The following ZNF251 variants were observed in gnomAD, a reference collection of about 807,000 sequenced individuals.
ZNF251 encodes zinc finger protein 251.
Under a neutral mutation model 13.5 loss-of-function variants are expected in ZNF251, and 14 were observed. The ratio of observed to expected loss-of-function variants is 1.04; its 90% confidence interval spans 0.69 to 1.63. The LOEUF (loss-of-function observed/expected upper bound fraction) is 1.63. Among genes scored for constraint, ZNF251 ranks in the 40% most tolerant of loss-of-function variants. ZNF251 has a pLI of 0.00. For missense variants in ZNF251, 764 were observed against 834.9 expected (o/e 0.92, Z 1.05); for synonymous variants, 287 against 295.2 (o/e 0.97, Z 0.28).
Position 144,754,273 on chromosome 8 carries a change from C to G in ZNF251, c.82G>C (p.Glu28Gln), listed in dbSNP as rs766342168. ...QDVAVYFSQA[E>Q]GRQLGPQQRA... ...TGCTGGGGGCCCAGCTGCCGCCCCT[C>G]CGCCTGAGAGAAGTACACGGCCACA... is the stretch of plus-strand genomic sequence containing the variant. Residue 28 changes from glutamate to glutamine, a missense_variant, in exon 3 of 5, where the codon GAG becomes CAG. Coordinates refer to ENST00000292562, the MANE Select transcript of ZNF251 (RefSeq NM_138367.2). The G allele has an allele frequency of 6.2e-7, 1 of 1,613,576 alleles. No individual in the cohort carries two copies. The highest frequency in any genetic ancestry group is 1.1e-5 in the South Asian group (1 of 91,020).
intron 4 of ZNF251, among the ~76,000 whole-genome samples, chr8:144,736,877 A>G (rs976277056): frequency 2.0e-5 from 3 of 151,628 alleles, no homozygotes; most frequent in Non-Finnish European, 4.4e-5. Context: ...GTCTCGGCTC[A>G]CTGCAACCTC....
Position 144,722,624 on chromosome 8 carries a change from C to T in ZNF251, c.1036G>A (p.Glu346Lys). The T allele has an allele frequency of 6.2e-7, 1 of 1,614,212 alleles. No individual in the cohort carries two copies. The highest frequency in any genetic ancestry group is 8.5e-7 in the Non-Finnish European group (1 of 1,180,038). Residue 346 changes from glutamate to lysine, a missense_variant, in exon 5 of 5, where the codon GAG (glutamate) becomes AAG (lysine). By Grantham distance (56) the Glu-to-Lys change is moderately conservative. Coordinates refer to ENST00000292562, the MANE Select transcript of ZNF251 (RefSeq NM_138367.2). This position sits in a 1 kb window ranked among gnomAD's most constrained non-coding sequence, Gnocchi z 4.8. ...LTQHQRIHTG[E>K]KPHECSHCGK... ...CAGTGACTGCATTCATGCGGCTTCT[C>T]TCCAGTGTGAATTCTCTGATGCTGA...
chr8:144,729,006 A>C (rs1241353360), intron 4 of ZNF251, among the ~76,000 whole-genome samples: 1 of 146,770 alleles, frequency 6.8e-6, no homozygotes, highest in Non-Finnish European at 1.5e-5. Flanking sequence ...GAGAATCACT[A>C]GAACCTGGGA....
intron 4 of ZNF251, among the ~76,000 whole-genome samples, chr8:144,749,234 C>T (rs1211818604): frequency 2.0e-5 from 3 of 152,136 alleles, no homozygotes; most frequent in Non-Finnish European, 4.4e-5. Flanking sequence ...TTCCTGTAAT[C>T]CCAGCACTTT....
intron 4 of ZNF251, among the ~76,000 whole-genome samples, chr8:144,725,949 C>T (rs1823504356): frequency 6.6e-6 from 1 of 152,134 alleles, no homozygotes; most frequent in Admixed American, 6.5e-5. Context: ...ATAATCCCAG[C>T]ACTTTGGGAG....
intron 4 of ZNF251, among the ~76,000 whole-genome samples, chr8:144,724,969 C>G (rs1243220289): frequency 6.6e-6 from 1 of 152,058 alleles, no homozygotes; most frequent in Non-Finnish European, 1.5e-5. Context: ...ATTTATTTAG[C>G]ACTCAAACAA....
In ZNF251 at chr8:144,723,163, G is replaced by A; in HGVS notation, c.497C>T (p.Thr166Ile). ...TCTTTCCCTGCCCACGGTAGCTTCT[G>A]TTAAAACTCTCTTGTGAATATTGGG... ...NKPNIHKRVL[T>I]EATVGRERSL... Residue 166 changes from threonine to isoleucine, a missense_variant, in exon 5 of 5, where the codon ACA (threonine) becomes ATA (isoleucine). Physicochemically the swap from Thr to Ile is moderately conservative, Grantham distance 89. Transcript: ENST00000292562. The A allele has an allele frequency of 6.2e-7, 1 of 1,612,624 alleles. No homozygotes were observed.
At chr8:144,749,659 T>C (rs1346642328) in intron 4 of ZNF251, among the ~76,000 whole-genome samples, 1 of 152,196 alleles carries the variant, frequency 6.6e-6, no homozygotes, top group African/African-American at 2.4e-5. Context: ...AATTCCATTT[T>C]GTATCCTTTT....
At chr8:144,737,825 G>A (rs189342999) in intron 4 of ZNF251, among the ~76,000 whole-genome samples, 11 of 121,632 alleles carry the variant, frequency 9.0e-5, no homozygotes, top group African/African-American at 2.9e-4. Flanking sequence ...GCAACAGAGC[G>A]AGACTCTGTC....
chr8:144,749,061 A>T (rs999037648), intron 4 of ZNF251, among the ~76,000 whole-genome samples: 6 of 152,110 alleles, frequency 3.9e-5, no homozygotes, highest in African/African-American at 9.7e-5. Flanking sequence ...GCTGCCCGGG[A>T]TGCTGATGTG....
At chr8:144,731,045 C>T (rs1455304983) in intron 4 of ZNF251, among the ~76,000 whole-genome samples, 1 of 152,170 alleles carries the variant, frequency 6.6e-6, no homozygotes, top group Non-Finnish European at 1.5e-5. Flanking sequence ...CCCAACAGGA[C>T]TTAAATGCTT....
chr8:144,750,720 C>T (rs1454907539), intron 4 of ZNF251, among the ~76,000 whole-genome samples: 1 of 152,166 alleles, frequency 6.6e-6, no homozygotes, highest in Non-Finnish European at 1.5e-5. Context: ...GAGTTGTCCA[C>T]ACTGAGCCTC....
chr8:144,732,960 A>G (rs563266989), intron 4 of ZNF251, among the ~76,000 whole-genome samples: 8 of 151,358 alleles, frequency 5.3e-5, no homozygotes, highest in Non-Finnish European at 1.0e-4. Context: ...GGTGGCTCAC[A>G]CCTGTAATCC....
chr8:144,753,547 G>A (rs929672561), intron 4 of ZNF251, 136 bp downstream of exon 4: 1 of 623,606 alleles, frequency 1.6e-6, no homozygotes, highest in Non-Finnish European at 2.8e-6. Flanking sequence ...CACATTTGTA[G>A]AGGGGCTGTA....
At chr8:144,752,478 A>G (rs1176514776) in intron 4 of ZNF251, among the ~76,000 whole-genome samples, 1 of 152,232 alleles carries the variant, frequency 6.6e-6, no homozygotes, top group Non-Finnish European at 1.5e-5. Flanking sequence ...ACTAGATAAC[A>G]TTTTGAACTA....
chr8:144,754,084 G>C lies in ZNF251; in HGVS notation c.163+108C>G, dbSNP rs1161962983. On this transcript the variant is annotated intron_variant, in intron 3 of 4. Transcript: ENST00000292562. ...TTCTGTAGAGATCAGACTGATACCC[G>C]GGGACAAGGGGCAGGACCCTCTTCT... 7.7e-6 allele frequency: 11 copies of C among 1,432,126 alleles called. No homozygotes were observed. The Admixed American group carries it at 2.8e-4, about 36-fold the overall frequency. 88.7% of individuals were successfully genotyped at this position (1,432,126 alleles called of 1,614,324 possible). A position where few individuals can be genotyped will look rare whatever the true frequency, so the allele number is the denominator to read the frequency against.
At chr8:144,739,105 C>T (rs1824036343) in intron 4 of ZNF251, among the ~76,000 whole-genome samples, 1 of 152,000 alleles carries the variant, frequency 6.6e-6, no homozygotes, top group Non-Finnish European at 1.5e-5. Flanking sequence ...ACAGACCCTC[C>T]CTGCTGCTGA....
At chr8:144,730,973 T>C (rs1438295999) in intron 4 of ZNF251, among the ~76,000 whole-genome samples, 1 of 152,150 alleles carries the variant, frequency 6.6e-6, no homozygotes, top group Admixed American at 6.5e-5. Context: ...CAGCAGCACC[T>C]TGGGCACTGT....
At position 144,723,350 on chromosome 8, in the gene ZNF251, T is replaced by C. The variant is rs759090507; in HGVS notation, c.310A>G (p.Ile104Val). The C allele has an allele frequency of 4.6e-6, 7 of 1,521,822 alleles. No individual in the cohort carries two copies. In the East Asian group the frequency reaches 1.6e-4, roughly 35 times the overall value. The allele number at this position is 1,521,822 out of a possible 1,614,324, so 94.3% of individuals were successfully genotyped here. A position where few individuals can be genotyped will look rare whatever the true frequency, so the allele number is the denominator to read the frequency against. ...TCTTCGGAAAATTTTTGGTTTAAAA[T>C]AGATAGTTCCTTCTTGGTCCCAACC... ...SEVGTKKELS[I>V]LNQKFSEEVK... is the part of the protein sequence containing the mutation. Residue 104 changes from isoleucine (I) to valine (V), a missense_variant, in exon 5 of 5, where the codon ATT (isoleucine) becomes GTT (valine). Ile to Val is a conservative substitution (Grantham distance 29). Transcript: ENST00000292562.
Sources: allele counts gnomAD v4.1 joint callset (sites outside exome capture counted in the v4.1 genomes callset), GRCh38; gene constraint gnomAD v4.1.1; non-coding constraint Gnocchi (gnomAD v3.1); transcripts MANE v1.5; gene names NCBI Gene and HGNC (gene_info 2026-07-23, HGNC 2026-07-21).